Variants in ESR1 observed in about 807,000 individuals in gnomAD.
ESR1 encodes the protein estrogen receptor.
A neutral mutation model predicts 52.7 loss-of-function variants in ESR1; 12 were observed. The ratio of observed to expected loss-of-function variants is 0.23; its 90% CI spans 0.15 to 0.37. The LOEUF is 0.37. ESR1 is among the 10% of genes least tolerant of loss of function. The probability of loss-of-function intolerance (pLI) is 1.00; values close to 1 mark genes in which losing one functional copy is unlikely to be tolerated. For missense variants in ESR1, 584 were observed against 779.7 expected (o/e 0.75, Z 2.99); for synonymous variants, 305 against 316.8 (o/e 0.96, Z 0.39).
intron 2 of ESR1, among the ~76,000 whole-genome samples, chr6:151,855,793 ACAGAATG>A: frequency 6.6e-6 from 1 of 152,284 alleles, no homozygotes; most frequent in South Asian, 2.1e-4. Context: ...GCAAGAGAAA[ACAGAATG>A]CTCTAGATTA....
intron 6 of ESR1, among the ~76,000 whole-genome samples, chr6:152,086,622 A>G (rs2049744420): frequency 6.6e-6 from 1 of 150,632 alleles, no homozygotes; most frequent in South Asian, 2.1e-4. Context: ...AACATCTAGT[A>G]GACGTCACTA....
In ESR1 at chr6:152,053,335, C is replaced by T. The variant is rs2046835278; in HGVS notation, c.1236-7656C>T. Among the ~76,000 whole-genome samples, 1 of 152,094 alleles carries T rather than the reference C, an allele frequency of 6.6e-6. No individual in the cohort carries two copies. Reference sequence around the variant, plus strand: ...AACCATTTGTCCTCTTGATTGGTTCCACCTTGTCCTATCACGCTGGATATG... The same window carrying T: ...AACCATTTGTCCTCTTGATTGGTTCTACCTTGTCCTATCACGCTGGATATG... On this transcript the variant is annotated intron_variant, in intron 5 of 7. Coordinates refer to ENST00000206249, the MANE Select transcript of ESR1 (RefSeq NM_000125.4). The surrounding 1 kb of genome is among the most constrained non-coding windows in gnomAD (Gnocchi z 4.1).
At chr6:151,691,666 T>C (rs1402307575) in intron 1 of ESR1, among the ~76,000 whole-genome samples, 1 of 151,376 alleles carries the variant, frequency 6.6e-6, no homozygotes, top group Admixed American at 6.6e-5. Context: ...GGGAAACTCA[T>C]CTGGTTTTGA....
intron 1 of ESR1, among the ~76,000 whole-genome samples, chr6:151,839,329 G>C (rs1277882898): frequency 6.6e-6 from 1 of 152,100 alleles, no homozygotes; most frequent in Non-Finnish European, 1.5e-5. Flanking sequence ...TACTATATTA[G>C]AAAAAGAAGA....
At chr6:151,925,803 T>G (rs1419888795) in intron 3 of ESR1, among the ~76,000 whole-genome samples, 1 of 152,166 alleles carries the variant, frequency 6.6e-6, no homozygotes, top group African/African-American at 2.4e-5. Flanking sequence ...AATTTAAATT[T>G]TAATGAAGCC....
intron 5 of ESR1, among the ~76,000 whole-genome samples, chr6:152,024,027 G>A (rs3020418): frequency 0.39 from 59,553 of 151,982 alleles, 13,829 homozygotes; most frequent in African/African-American, 0.65. Context: ...ACCCTTACAT[G>A]TTAGGGGTCA....
chr6:151,767,597 C>T (rs547855535), intron 2 of ESR1, among the ~76,000 whole-genome samples: 56 of 152,156 alleles, frequency 3.7e-4, no homozygotes, highest in Non-Finnish European at 7.1e-4. Context: ...GCACTGAATA[C>T]AGCGTGATAG....
intron 1 of ESR1, among the ~76,000 whole-genome samples, chr6:151,691,796 A>G (rs1401801700): frequency 6.6e-6 from 1 of 152,192 alleles, no homozygotes; most frequent in African/African-American, 2.4e-5. Context: ...AGAACCATGG[A>G]TGGTTCAGGG....
intron 2 of ESR1, among the ~76,000 whole-genome samples, chr6:151,729,007 C>T (rs927223452): frequency 8.5e-5 from 13 of 152,200 alleles, no homozygotes; most frequent in African/African-American, 2.9e-4. Flanking sequence ...TTATATTCCA[C>T]AACCACTGTG....
intron 5 of ESR1, among the ~76,000 whole-genome samples, chr6:152,045,788 CAG>C (rs2046185735): frequency 6.6e-6 from 1 of 152,242 alleles, no homozygotes; most frequent in South Asian, 2.1e-4. Flanking sequence ...AAAAGAATAA[CAG>C]TGTTTTAAGA....
chr6:151,663,352 C>CT (rs367868796), intron 1 of ESR1, among the ~76,000 whole-genome samples: 10 of 152,302 alleles, frequency 6.6e-5, no homozygotes, highest in African/African-American at 2.2e-4. Context: ...TTCAAAATCT[C>CT]TTTTTCTGCT....
intron 2 of ESR1, among the ~76,000 whole-genome samples, chr6:151,775,610 G>A (rs1355189249): frequency 6.6e-6 from 1 of 152,062 alleles, no homozygotes; most frequent in Non-Finnish European, 1.5e-5. Flanking sequence ...TAGCTGTGCC[G>A]TGGCGGGCGC....
intron 2 of ESR1, among the ~76,000 whole-genome samples, chr6:151,724,671 T>C (rs998258394): frequency 6.6e-6 from 1 of 152,102 alleles, no homozygotes; most frequent in Non-Finnish European, 1.5e-5. Flanking sequence ...TTTGGGCTAC[T>C]GTTTGTGAAA....
At chr6:151,749,537 A>G (rs1783745071) in intron 2 of ESR1, among the ~76,000 whole-genome samples, 1 of 152,338 alleles carries the variant, frequency 6.6e-6, no homozygotes, top group Admixed American at 6.5e-5. Flanking sequence ...CCTAACTGCA[A>G]CTTTGTACCA....
At chr6:152,074,273 A>G (rs1290483558) in intron 6 of ESR1, among the ~76,000 whole-genome samples, 1 of 152,156 alleles carries the variant, frequency 6.6e-6, no homozygotes, top group Non-Finnish European at 1.5e-5. Context: ...ATTCCTGGCA[A>G]CTACTGATCT....
intron 2 of ESR1, among the ~76,000 whole-genome samples, chr6:151,788,228 A>G (rs531630488): frequency 6.6e-6 from 1 of 152,340 alleles, no homozygotes; most frequent in South Asian, 2.1e-4. Flanking sequence ...AAGGTCTACT[A>G]TCCAGCATCT....
At chr6:151,723,639 T>C (rs937462005) in intron 2 of ESR1, among the ~76,000 whole-genome samples, 2 of 152,046 alleles carry the variant, frequency 1.3e-5, no homozygotes, top group Non-Finnish European at 2.9e-5. Flanking sequence ...GAGGCCGAGG[T>C]GGTCGGATCA....
At position 151,717,520 on chromosome 6, in the gene ESR1, T is replaced by C. The variant is rs113544579; in HGVS notation, c.-71+15515T>C. ...ATGATATATTTCTACATTATTTAGA[T>C]CTTGTGTTAGGTTTTTCCATAAGAT... is the stretch of plus-strand genomic sequence containing the variant. On this transcript the variant is annotated intron_variant, in intron 2 of 2. Transcript: ENST00000404742. Among the ~76,000 whole-genome samples the C allele has an allele frequency of 2.7e-3, 410 of 152,316 alleles. 2 individuals are homozygous for C. The highest frequency in any genetic ancestry group is 9.1e-3 in the African/African-American group (379 of 41,562).
intron 4 of ESR1, among the ~76,000 whole-genome samples, chr6:152,005,129 C>T (rs2042234922): frequency 1.3e-5 from 2 of 151,986 alleles, no homozygotes; most frequent in Non-Finnish European, 2.9e-5. Context: ...CTGCTGGGTT[C>T]AGTAGAAAAC....
Sources: allele counts gnomAD v4.1 joint callset (sites outside exome capture counted in the v4.1 genomes callset), GRCh38; gene constraint gnomAD v4.1.1; non-coding constraint Gnocchi (gnomAD v3.1); transcripts MANE v1.5; gene names NCBI Gene and HGNC (gene_info 2026-07-23, HGNC 2026-07-21).